Variants in VTI1A observed in about 807,000 individuals in gnomAD.
The protein encoded by VTI1A is vesicle transport through interaction with t-SNAREs 1A.
A neutral mutation model predicts 34.9 loss-of-function variants in VTI1A; 22 were observed. That is an observed-to-expected ratio of 0.63 (90% CI 0.45 to 0.90). The LOEUF is 0.90. VTI1A is among the 40% of genes least tolerant of loss of function. The pLI, the probability that VTI1A is intolerant of heterozygous loss-of-function variation, is 0.00. For synonymous variants in VTI1A, 87 were observed against 97.3 expected (o/e 0.89, Z 0.62); for missense variants, 268 against 275.6 (o/e 0.97, Z 0.20).
At chr10:112,608,841 C>T (rs990471893) in intron 5 of VTI1A, among the ~76,000 whole-genome samples, 1 of 152,090 alleles carries the variant, frequency 6.6e-6, no homozygotes, top group Non-Finnish European at 1.5e-5. Context: ...CTACTCTTTC[C>T]ATATTGCTTG....
At chr10:112,698,615 G>A (rs535504893) in intron 7 of VTI1A, among the ~76,000 whole-genome samples, 1 of 152,322 alleles carries the variant, frequency 6.6e-6, no homozygotes, top group African/African-American at 2.4e-5. Context: ...AATCGAATCT[G>A]CTCTAACACT....
At chr10:112,472,071 G>C (rs1306518988) in intron 3 of VTI1A, among the ~76,000 whole-genome samples, 1 of 152,192 alleles carries the variant, frequency 6.6e-6, no homozygotes, top group Non-Finnish European at 1.5e-5. Flanking sequence ...CCATCTTGTG[G>C]TTGATTTATA....
chr10:112,607,070 T>A (rs1158094245), intron 5 of VTI1A, among the ~76,000 whole-genome samples: 1 of 152,080 alleles, frequency 6.6e-6, no homozygotes, highest in Non-Finnish European at 1.5e-5. Context: ...GTGGATGACC[T>A]GAGGTCAGGA....
downstream of VTI1A, among the ~76,000 whole-genome samples, chr10:112,819,685 T>C (rs1393259014): frequency 6.6e-6 from 1 of 152,210 alleles, no homozygotes; most frequent in Admixed American, 6.5e-5. Flanking sequence ...TGAATGGCTC[T>C]TCTTTTCCAT....
chr10:112,780,535 G>T (rs112083197), intron 7 of VTI1A, among the ~76,000 whole-genome samples: 22 of 151,946 alleles, frequency 1.4e-4, no homozygotes, highest in African/African-American at 5.3e-4. Flanking sequence ...TCCAGTGGAG[G>T]TTTTCTAAAA....
the VTI1A span, among the ~76,000 whole-genome samples, chr10:112,835,491 G>A: frequency 3.9e-5 from 6 of 152,308 alleles, no homozygotes; most frequent in African/African-American, 7.2e-5. Flanking sequence ...TGGAGGGCCC[G>A]CATACTGCAA....
Position 112,808,829 on chromosome 10 carries a change from G to A in VTI1A, c.561-6461G>A, listed in dbSNP as rs79866706. On this transcript the variant is annotated intron_variant, in intron 7 of 7. Transcript: ENST00000393077. ...CTCGGCTCTGCATTCCTCTGGTGTC[G>A]GCTTCTTTCAGGCAGCCTCGTCCGG... 2.4e-4 allele frequency among the ~76,000 whole-genome samples: 37 copies of A among 152,084 alleles called. No individual in the cohort carries two copies. The East Asian group carries it at 6.2e-3, about 25-fold the overall frequency.
At chr10:112,582,443 C>T (rs1025451165) in intron 5 of VTI1A, among the ~76,000 whole-genome samples, 10 of 152,140 alleles carry the variant, frequency 6.6e-5, no homozygotes, top group Non-Finnish European at 1.5e-5. Context: ...ACCCCAGCAG[C>T]CCCCAAGGTC....
Position 112,560,988 on chromosome 10 carries a change from C to T in VTI1A, c.427+22658C>T, listed in dbSNP as rs555907132. Reference sequence around the variant, plus strand: ...TCCCAGACCACTTTTAAGAAGATTTCGTGTGGTTTTATGACATTTTAGAAT... The same window carrying T: ...TCCCAGACCACTTTTAAGAAGATTTTGTGTGGTTTTATGACATTTTAGAAT... On this transcript the variant is annotated intron_variant, in intron 5 of 7. Coordinates refer to ENST00000393077, the MANE Select transcript of VTI1A (RefSeq NM_145206.4). Among the ~76,000 whole-genome samples the T allele has an allele frequency of 1.2e-3, 187 of 152,130 alleles. 1 individual carries two copies. The highest frequency in any genetic ancestry group is 4.5e-3 in the African/African-American group (186 of 41,500).
intron 3 of VTI1A, among the ~76,000 whole-genome samples, chr10:112,508,640 ACACCCTTTCTGCACC>A (rs1849511360): frequency 6.6e-6 from 1 of 152,064 alleles, no homozygotes; most frequent in Non-Finnish European, 1.5e-5. Context: ...GAATGGTTAG[ACACCCTTTCTGCACC>A]CACGCAGGTA....
chr10:112,784,130 G>A (rs943511921), intron 7 of VTI1A, among the ~76,000 whole-genome samples: 5 of 152,152 alleles, frequency 3.3e-5, no homozygotes, highest in African/African-American at 1.2e-4. Flanking sequence ...TATCAGTTCA[G>A]ACCTTGAACT....
intron 5 of VTI1A, among the ~76,000 whole-genome samples, chr10:112,624,008 T>G (rs949359398): frequency 2.6e-5 from 4 of 152,218 alleles, no homozygotes; most frequent in Non-Finnish European, 5.9e-5. Context: ...GTCCATCATC[T>G]TTCAAGAAAA....
rs541049645 is a variant in VTI1A, at chr10:112,460,371, G to A, written c.95-153G>A. On this transcript the variant is annotated intron_variant, in intron 1 of 7. Transcript: ENST00000393077. ...TAGCCTGGAATCAATGGCTTAAAGT[G>A]GTTTCAAACCCACCAAAGAATGATA... Among the ~76,000 whole-genome samples the A allele has an allele frequency of 2.6e-5, 4 of 151,512 alleles. No individual in the cohort carries two copies. In the South Asian group the frequency reaches 8.3e-4, roughly 32 times the overall value.
intron 7 of VTI1A, among the ~76,000 whole-genome samples, chr10:112,785,020 A>G (rs1027824844): frequency 1.3e-5 from 2 of 152,226 alleles, no homozygotes; most frequent in African/African-American, 4.8e-5. Context: ...ATGTAGGCAG[A>G]TCCCTTGGCC....
chr10:112,456,922 G>T (rs931465451), intron 1 of VTI1A, among the ~76,000 whole-genome samples: 1 of 152,114 alleles, frequency 6.6e-6, no homozygotes, highest in African/African-American at 2.4e-5. Context: ...TTCCCAAGCT[G>T]GGTGGCTCAT....
At chr10:112,612,980 A>T (rs1845378889) in intron 5 of VTI1A, among the ~76,000 whole-genome samples, 1 of 152,136 alleles carries the variant, frequency 6.6e-6, no homozygotes, top group South Asian at 2.1e-4. Flanking sequence ...TAGGAAACAG[A>T]CCATTTTCTT....
At chr10:112,521,884 A>T (rs763225445) in intron 3 of VTI1A, among the ~76,000 whole-genome samples, 1 of 151,952 alleles carries the variant, frequency 6.6e-6, no homozygotes, top group Non-Finnish European at 1.5e-5. Flanking sequence ...TCCTGGATTG[A>T]TGAGCCTTTT....
intron 7 of VTI1A, among the ~76,000 whole-genome samples, chr10:112,703,009 T>C (rs1304426511): frequency 6.6e-6 from 1 of 152,230 alleles, no homozygotes; most frequent in East Asian, 1.9e-4. Flanking sequence ...AGTAGTGATC[T>C]GATTTTTTTA....
intron 7 of VTI1A, among the ~76,000 whole-genome samples, chr10:112,776,294 G>T (rs1228612568): frequency 1.3e-5 from 2 of 152,146 alleles, no homozygotes; most frequent in African/African-American, 2.4e-5. Flanking sequence ...ATTGGGGTGG[G>T]GTACTGGGAT....
Sources: allele counts gnomAD v4.1 joint callset (sites outside exome capture counted in the v4.1 genomes callset), GRCh38; gene constraint gnomAD v4.1.1; transcripts MANE v1.5; gene names NCBI Gene and HGNC (gene_info 2026-07-23, HGNC 2026-07-21).